The following STIM1 variants were observed in gnomAD, a reference collection of about 807,000 sequenced individuals.
STIM1 encodes the protein stromal interaction molecule 1.
Under a neutral mutation model 74.7 loss-of-function variants are expected in STIM1, and 25 were observed. The observed-to-expected ratio is 0.33, with a 90% CI of 0.24 to 0.47. The LOEUF is 0.47. Ranked by LOEUF, STIM1 falls within the 20% of genes least tolerant of loss-of-function variation. STIM1 has a pLI of 1.00. For synonymous variants in STIM1, 328 were observed against 348.8 expected, an observed-to-expected ratio of 0.94 and a Z score of 0.66; for missense variants, 728 against 920.8, an observed-to-expected ratio of 0.79 and a Z score of 2.71.
intron 2 of STIM1, among the ~76,000 whole-genome samples, chr11:3,973,587 A>T (rs139788300): frequency 1.3e-3 from 203 of 152,088 alleles, no homozygotes; most frequent in Admixed American, 2.7e-3. Flanking sequence ...TTTTGTAGAG[A>T]TGAGGTCTTG....
intron 3 of STIM1, among the ~76,000 whole-genome samples, chr11:4,041,109 G>A (rs908144109): frequency 1.3e-4 from 20 of 152,218 alleles, no homozygotes; most frequent in African/African-American, 4.8e-4. Context: ...CTGCCTTGGA[G>A]TGCTGTTATT....
rs2094381884 is a variant in STIM1 at position 4,068,365 on chromosome 11, C to T, written c.614-1661C>T. On this transcript the variant is annotated intron_variant, in intron 5 of 12. Coordinates refer to ENST00000526596, the MANE Select transcript of STIM1 (RefSeq NM_001382567.1). ...ATGGAGTCTTGTTTGAATAAGGATA[C>T]CTTTGACTTTTGGTAAGAATATAAA... Among the ~76,000 whole-genome samples the T allele has an allele frequency of 1.3e-5, 2 of 152,112 alleles. 1 individual carries two copies. Among genetic ancestry groups the T allele is most frequent in the South Asian group, 4.1e-4 (2 of 4,828 alleles).
chr11:3,941,237 G>A (rs2093001060), intron 1 of STIM1, among the ~76,000 whole-genome samples: 1 of 152,198 alleles, frequency 6.6e-6, no homozygotes, highest in Non-Finnish European at 1.5e-5. Context: ...TCCACTGACT[G>A]AGGGATTGAT....
intron 1 of STIM1, among the ~76,000 whole-genome samples, chr11:3,940,584 C>T (rs754824174): frequency 2.6e-5 from 4 of 152,124 alleles, no homozygotes; most frequent in Non-Finnish European, 5.9e-5. Flanking sequence ...GTGGCTGATG[C>T]ATCATGGTAG....
At chr11:3,894,905 A>ATTTTTT (rs35236633) in intron 1 of STIM1, among the ~76,000 whole-genome samples, 1 of 113,204 alleles carries the variant, frequency 8.8e-6, no homozygotes, top group East Asian at 2.5e-4. Flanking sequence ...CGCCTGGCTA[A>ATTTTTT]TTTTTTTTTT....
chr11:4,001,166 G>A (rs1322370302), intron 2 of STIM1, among the ~76,000 whole-genome samples: 1 of 152,078 alleles, frequency 6.6e-6, no homozygotes, highest in Non-Finnish European at 1.5e-5. Flanking sequence ...CACTCTGCAG[G>A]ATATTATCCA....
At chr11:4,086,323 T>A (rs934018403) in intron 11 of STIM1, 154 bp from the exon 12 acceptor site, 58 of 791,146 alleles carry the variant, frequency 7.3e-5, no homozygotes, top group Non-Finnish European at 1.0e-4. Context: ...TTAGGACCCC[T>A]GGTGGGAGGT....
At chr11:3,895,464 C>T (rs1186872500) in intron 1 of STIM1, among the ~76,000 whole-genome samples, 1 of 152,128 alleles carries the variant, frequency 6.6e-6, no homozygotes, top group Non-Finnish European at 1.5e-5. Flanking sequence ...TTTTTGGTCA[C>T]TTACCCACAT....
At chr11:4,017,103 G>A (rs528598121) in intron 2 of STIM1, among the ~76,000 whole-genome samples, 1 of 152,300 alleles carries the variant, frequency 6.6e-6, no homozygotes, top group African/African-American at 2.4e-5. Context: ...GTCCCAATGA[G>A]ATGAACCAGG....
rs545946937 is a variant in STIM1 at position 3,999,406 on chromosome 11, C to T, written c.271-24467C>T. 2.0e-5 allele frequency among the ~76,000 whole-genome samples: 3 copies of T among 152,256 alleles called. No homozygotes were observed. The South Asian group carries it at 6.2e-4, about 32-fold the overall frequency. On this transcript the variant is annotated intron_variant, in intron 2 of 12. Transcript: ENST00000526596. ...ACCCAATATCTGGTGTGTAAGGTGT[C>T]TGGTAGGGAGGGAGAGTGGCCAGGA...
chr11:3,949,212 C>T (rs1189665592), intron 1 of STIM1, among the ~76,000 whole-genome samples: 1 of 152,124 alleles, frequency 6.6e-6, no homozygotes, highest in Non-Finnish European at 1.5e-5. Context: ...TTAGAAAAAG[C>T]CTGAGTAGAA....
intron 3 of STIM1, among the ~76,000 whole-genome samples, chr11:4,036,164 T>C (rs1028515344): frequency 2.0e-5 from 3 of 152,234 alleles, no homozygotes; most frequent in Admixed American, 6.5e-5. Flanking sequence ...ACTCTATTCA[T>C]GTCCCTGCAA....
rs200901547 is a variant in STIM1 at position 3,855,925 on chromosome 11, G to A, written c.-346G>A. ...CTCTTCCTCCTCCACTTCTGTGCCC[G>A]CGGAGACTCCGGCCGCCCCCTTCCG... On this transcript the variant is annotated 5_prime_UTR_variant, in exon 1 of 13. Transcript: ENST00000526596. 1.9e-5 allele frequency: 6 copies of A among 323,480 alleles called. No individual in the cohort carries two copies. Among genetic ancestry groups the A allele is most frequent in the Non-Finnish European group, 3.6e-5 (6 of 165,552 alleles). 20.0% of individuals were successfully genotyped at this position (323,480 alleles called of 1,614,324 possible).
intron 3 of STIM1, among the ~76,000 whole-genome samples, chr11:4,043,691 C>T (rs1489703338): frequency 6.6e-6 from 1 of 150,952 alleles, no homozygotes; most frequent in African/African-American, 2.4e-5. Context: ...GTGTACAAAG[C>T]TTTTTTTTTA....
chr11:3,919,664 A>T (rs1443553823), intron 1 of STIM1, among the ~76,000 whole-genome samples: 1 of 152,222 alleles, frequency 6.6e-6, no homozygotes, highest in Non-Finnish European at 1.5e-5. Flanking sequence ...GGTACGGTGT[A>T]TAAAGCTGTG....
chr11:3,895,671 T>TTCCTTCC (rs869179022), intron 1 of STIM1, among the ~76,000 whole-genome samples: 9 of 43,342 alleles, frequency 2.1e-4, no homozygotes, highest in South Asian at 1.0e-3. Context: ...TCTTTCTTTC[T>TTCCTTCC]TTCCTTCCTT....
chr11:4,072,952 C>T (rs190124804), intron 6 of STIM1, among the ~76,000 whole-genome samples: 3 of 150,504 alleles, frequency 2.0e-5, no homozygotes, highest in Admixed American at 1.3e-4. Context: ...TCACAATTTG[C>T]GGGAAGCTTG....
In STIM1 at chr11:4,013,221, G is replaced by A. The variant is rs561412374; in HGVS notation, c.271-10652G>A. On this transcript the variant is annotated intron_variant, in intron 2 of 12. Coordinates refer to ENST00000526596, the MANE Select transcript of STIM1 (RefSeq NM_001382567.1). ...TGTCTCTGCCAGGCTTTGGTATCAG[G>A]ATGATGCTGGCCTCATAAAATGAGT... 7.0e-3 allele frequency among the ~76,000 whole-genome samples: 1,071 copies of A among 152,274 alleles called. 5 individuals carry two copies. Among genetic ancestry groups the A allele is most frequent in the Non-Finnish European group, 0.011 (749 of 68,028 alleles).
intron 2 of STIM1, among the ~76,000 whole-genome samples, chr11:4,011,363 C>T (rs1274452487): frequency 6.6e-6 from 1 of 152,234 alleles, no homozygotes; most frequent in Non-Finnish European, 1.5e-5. Context: ...TATTTCTCCA[C>T]ATCCTTTCCA....
Sources: allele counts gnomAD v4.1 joint callset (sites outside exome capture counted in the v4.1 genomes callset), GRCh38; gene constraint gnomAD v4.1.1; transcripts MANE v1.5; gene names NCBI Gene and HGNC (gene_info 2026-07-23, HGNC 2026-07-21).